FLCN: variants seen among roughly 807,000 people sequenced by gnomAD.
FLCN encodes BHD skin lesion fibrofolliculoma protein.
A neutral mutation model predicts 62.5 loss-of-function variants in FLCN; 22 were observed. The ratio of observed to expected loss-of-function variants is 0.35; its 90% CI spans 0.25 to 0.50. FLCN has a LOEUF of 0.50. FLCN is among the 20% of genes least tolerant of loss of function. The pLI is 0.97. For synonymous variants in FLCN, 319 were observed against 310.0 expected, an observed-to-expected ratio of 1.03 and a Z score of -0.30; for missense variants, 657 against 778.0, an observed-to-expected ratio of 0.84 and a Z score of 1.85.
chr17:17,229,884 C>A (rs765669319), intron 3 of FLCN, among the ~76,000 whole-genome samples: 5 of 152,178 alleles, frequency 3.3e-5, no homozygotes, highest in Admixed American at 6.5e-5. Flanking sequence ...AGTACAGCTG[C>A]GATGCCGGCG....
chr17:17,234,332 T>C (rs2047518942), intron 1 of FLCN, among the ~76,000 whole-genome samples: 1 of 151,072 alleles, frequency 6.6e-6, no homozygotes, highest in African/African-American at 2.4e-5. Flanking sequence ...CTGCCTCAGC[T>C]TCCCGAGTAG....
chr17:17,224,621 C>A, intron 5 of FLCN: 1 of 220,802 alleles, frequency 4.5e-6, no homozygotes. Context: ...CTGCAACCTC[C>A]GTCTCCTGGG....
intron 8 of FLCN, 61 bp downstream of exon 8, chr17:17,221,476 C>G (rs765831055): frequency 6.2e-7 from 1 of 1,614,100 alleles, no homozygotes; most frequent in Non-Finnish European, 8.5e-7. Flanking sequence ...GGAGAGCAGA[C>G]AGCTGGTACC....
At chr17:17,220,049 C>T (rs1021718553) in intron 8 of FLCN, 3 of 152,022 alleles carry the variant, frequency 2.0e-5, no homozygotes, top group Non-Finnish European at 4.4e-5. Flanking sequence ...TCTACTATTC[C>T]CATCTTTTTT....
intron 7 of FLCN, 75 bp downstream of exon 7, chr17:17,222,426 T>C: frequency 6.2e-7 from 1 of 1,603,104 alleles, no homozygotes; most frequent in Non-Finnish European, 8.5e-7. Context: ...TTCTCCCAAA[T>C]CCATGGACAA....
chr17:17,228,287 C>T, intron 3 of FLCN, 126 bp from the exon 4 acceptor site: 1 of 1,168,470 alleles, frequency 8.6e-7, no homozygotes, highest in South Asian at 1.5e-5. Context: ...GGCCACCCGC[C>T]AGTTCCCCAG....
In FLCN at chr17:17,212,915, C is replaced by A; in HGVS notation, c.*740G>T. ...AAAGCGATACAGAATAAAAGCATGG[C>A]GGGGCTCACCATATCCAGGGGATTG... On this transcript the variant is annotated 3_prime_UTR_variant, in exon 14 of 14. Transcript: ENST00000285071. 1 of 233,772 alleles carries A rather than the reference C, an allele frequency of 4.3e-6. No homozygotes were observed. The highest frequency in any genetic ancestry group is 8.4e-6 in the Non-Finnish European group (1 of 118,520). 14.5% of individuals were successfully genotyped at this position (233,772 alleles called of 1,614,324 possible). A position where few individuals can be genotyped will look rare whatever the true frequency, so the allele number is the denominator to read the frequency against.
chr17:17,223,502 G>A (rs1039392167), intron 6 of FLCN, among the ~76,000 whole-genome samples: 2 of 152,234 alleles, frequency 1.3e-5, no homozygotes, highest in African/African-American at 4.8e-5. Context: ...CAGGCCCTAT[G>A]GCTTGAAGGT....
chr17:17,224,232 G>A, intron 5 of FLCN, 89 bp from the exon 6 acceptor site: 6 of 1,235,340 alleles, frequency 4.9e-6, no homozygotes, highest in South Asian at 1.3e-5. Context: ...AGAGTCAGCT[G>A]GCACAAATCA....
chr17:17,215,666 C>T (rs998323901), intron 11 of FLCN, among the ~76,000 whole-genome samples: 1 of 152,188 alleles, frequency 6.6e-6, no homozygotes, highest in African/African-American at 2.4e-5. Context: ...ATAACCTGCT[C>T]GTAGTGGTAA....
chr17:17,233,676 CTTCAGCCTGGGAGGTCAA>C (rs2047490862), intron 1 of FLCN, among the ~76,000 whole-genome samples: 1 of 145,560 alleles, frequency 6.9e-6, no homozygotes, highest in Non-Finnish European at 1.5e-5. Context: ...TGGGAGGTCA[CTTCAGCCTGGGAGGTCAA>C]GGCTGCAAGT....
At chr17:17,231,634 G>C (rs1172329261) in intron 3 of FLCN, 160 bp downstream of exon 3, 1 of 152,338 alleles carries the variant, frequency 6.6e-6, no homozygotes, top group Non-Finnish European at 1.5e-5. Context: ...CTGACAGGCA[G>C]GCTGTGAACA....
At chr17:17,219,299 G>A (rs1455035284) in intron 8 of FLCN, 90 bp from the exon 9 acceptor site, 1 of 1,258,504 alleles carries the variant, frequency 7.9e-7, no homozygotes, top group Non-Finnish European at 1.1e-6. Context: ...GAGCCGGTCA[G>A]TGTAGATTCC....
intron 4 of FLCN, 42 bp from the exon 5 acceptor site, chr17:17,226,364 AG>A (rs765122347): frequency 6.2e-7 from 1 of 1,613,130 alleles, no homozygotes; most frequent in East Asian, 2.2e-5. Context: ...GTTGGGAAGC[AG>A]GGCGACAAAC....
intron 8 of FLCN, chr17:17,219,565 C>CTTT (rs33981693): frequency 6.3e-4 from 79 of 126,296 alleles, no homozygotes; most frequent in South Asian, 1.5e-3. Context: ...TTTTTTTCCA[C>CTTT]TTTTTTTTTT....
intron 3 of FLCN, chr17:17,228,399 T>A (rs2047324719): frequency 4.0e-6 from 2 of 499,624 alleles, no homozygotes; most frequent in African/African-American, 3.8e-5. Context: ...GGACCAATGA[T>A]AGCACAGCTG....
chr17:17,218,602 G>A (rs776731059), intron 9 of FLCN, among the ~76,000 whole-genome samples: 66 of 151,892 alleles, frequency 4.3e-4, no homozygotes, highest in Admixed American at 9.8e-4. Flanking sequence ...GGCTGGTCTC[G>A]AACTCCTGAC....
intron 8 of FLCN, chr17:17,219,565 C>T (rs2047028612): frequency 1.6e-5 from 2 of 126,378 alleles, no homozygotes; most frequent in South Asian, 1.2e-4. Flanking sequence ...TTTTTTTCCA[C>T]TTTTTTTTTT....
intron 5 of FLCN, chr17:17,224,413 C>T (rs1014139638): frequency 1.9e-6 from 1 of 523,002 alleles, no homozygotes; most frequent in Non-Finnish European, 3.5e-6. Context: ...AACTCCCATG[C>T]ATATGTCACA....
Sources: allele counts gnomAD v4.1 joint callset (sites outside exome capture counted in the v4.1 genomes callset), GRCh38; gene constraint gnomAD v4.1.1; transcripts MANE v1.5; gene names NCBI Gene and HGNC (gene_info 2026-07-23, HGNC 2026-07-21).